The following NLRP14 variants were observed in gnomAD, a reference collection of about 807,000 sequenced individuals.
NLRP14 encodes the protein NACHT, LRR and PYD domains-containing protein 14.
Under a neutral mutation model 94.7 loss-of-function variants are expected in NLRP14, and 105 were observed. That is an observed-to-expected ratio of 1.11 (90% CI 0.95 to 1.30). The LOEUF is 1.30. NLRP14 is among the 50% of genes most tolerant of loss of function. NLRP14 has a pLI of 0.00. For synonymous variants in NLRP14, 508 were observed against 459.9 expected (o/e 1.10, Z -1.34); for missense variants, 1,362 against 1,254.1 (o/e 1.09, Z -1.30).
chr11:7,062,924 A>G (rs527452631), intron 10 of NLRP14, among the ~76,000 whole-genome samples: 6 of 152,234 alleles, frequency 3.9e-5, no homozygotes, highest in East Asian at 3.9e-4. Context: ...CTTACGTTCA[A>G]TTCTGTGTTT....
intron 4 of NLRP14, among the ~76,000 whole-genome samples, chr11:7,044,325 A>G (rs1241109723): frequency 6.6e-6 from 1 of 152,192 alleles, no homozygotes; most frequent in Admixed American, 6.5e-5. Context: ...ACAAACTTGC[A>G]TCCATGATAA....
Position 7,042,891 on chromosome 11 carries a change from A to T in NLRP14, c.865A>T (p.Met289Leu). The T allele has an allele frequency of 6.2e-7, 1 of 1,614,158 alleles. No individual in the cohort carries two copies. ...WTQEHPVSFL[M>L]SSLLRKVMLP... ...CCAAGAACACCCAGTGTCCTTCCTC[A>T]TGAGTAGTTTGCTGAGGAAAGTGAT... The change falls in exon 4 of 12, where the codon ATG (methionine) becomes TTG (leucine). Residue 289 changes from methionine (M) to leucine (L), a missense_variant. Coordinates refer to ENST00000299481, the MANE Select transcript of NLRP14 (RefSeq NM_176822.4).
downstream of NLRP14, among the ~76,000 whole-genome samples, chr11:7,073,332 C>A (rs1161884544): frequency 6.6e-6 from 1 of 152,106 alleles, no homozygotes; most frequent in African/African-American, 2.4e-5. Flanking sequence ...GAAAATAAAG[C>A]CTTTTAACTT....
chr11:7,049,688 T>C lies in NLRP14; in HGVS notation c.2141T>C (p.Phe714Ser). 1.2e-6 allele frequency: 2 copies of C among 1,612,606 alleles called. No homozygotes were observed. Among genetic ancestry groups the C allele is most frequent in the Non-Finnish European group, 1.7e-6 (2 of 1,178,672 alleles). ...TTCTGAAGGTTGAAATTTATCACTT[T>C]CCCTGATGGTTGTCAGGATATCTCT... is the stretch of plus-strand genomic sequence containing the variant. The part of the protein sequence containing the change: ...LQKLLLKFIT[F>S]PDGCQDISTS... Residue 714 changes from phenylalanine to serine, a missense_variant, in exon 6 of 12, where the codon TTC becomes TCC. Physicochemically the swap from Phe to Ser is radical, Grantham distance 155. Transcript: ENST00000299481.
At chr11:7,034,764 C>G (rs1852139683) in intron 1 of NLRP14, among the ~76,000 whole-genome samples, 2 of 152,126 alleles carry the variant, frequency 1.3e-5, no homozygotes, top group Admixed American at 1.3e-4. Flanking sequence ...TTGCTGTTTT[C>G]TCCTCCCTGG....
the NLRP14 span, chr11:7,089,218 G>T: frequency 1.2e-6 from 2 of 1,612,976 alleles, no homozygotes; most frequent in South Asian, 1.1e-5. Flanking sequence ...AAGTATGGCC[G>T]CATCGTCGAG....
At chr11:7,089,991 G>A in the NLRP14 span, 2 of 1,613,102 alleles carry the variant, frequency 1.2e-6, no homozygotes, top group Non-Finnish European at 1.7e-6. Context: ...AGAGCTGCGC[G>A]GCGCCGCCCC....
intron 1 of NLRP14, among the ~76,000 whole-genome samples, chr11:7,027,293 C>T (rs769559310): frequency 9.2e-5 from 14 of 151,926 alleles, no homozygotes; most frequent in Admixed American, 6.6e-4. Context: ...AGATGGTTGA[C>T]AATGACAGAA....
At chr11:7,088,132 C>T in the NLRP14 span, among the ~76,000 whole-genome samples, 3 of 152,148 alleles carry the variant, frequency 2.0e-5, no homozygotes, top group Admixed American at 2.0e-4. Context: ...GAACTTTGTC[C>T]AACATTTAGA....
intron 1 of NLRP14, among the ~76,000 whole-genome samples, chr11:7,025,687 G>A (rs962591098): frequency 6.6e-6 from 1 of 152,046 alleles, no homozygotes; most frequent in Non-Finnish European, 1.5e-5. Flanking sequence ...CGAGGCAAAT[G>A]AGCAAAAATG....
chr11:7,082,256 T>C, the NLRP14 span, among the ~76,000 whole-genome samples: 1 of 152,086 alleles, frequency 6.6e-6, no homozygotes, highest in Non-Finnish European at 1.5e-5. Flanking sequence ...TTTTAACTCA[T>C]TTTTTTTCCA....
chr11:7,067,400 C>T (rs1852720855), intron 10 of NLRP14, among the ~76,000 whole-genome samples: 1 of 152,116 alleles, frequency 6.6e-6, no homozygotes, highest in Non-Finnish European at 1.5e-5. Flanking sequence ...TGTAGTTCTC[C>T]TTGAAGAGGT....
rs775917808 is a variant in NLRP14, at chr11:7,042,891, A to G, written c.865A>G (p.Met289Val). ...CCAAGAACACCCAGTGTCCTTCCTC[A>G]TGAGTAGTTTGCTGAGGAAAGTGAT... ...WTQEHPVSFLMSSLLRKVMLP... is the reference protein window; with the variant it reads ...WTQEHPVSFLVSSLLRKVMLP... The change falls in exon 4 of 12, where the codon ATG becomes GTG. Residue 289 changes from methionine (M) to valine (V), a missense_variant. Physicochemically the swap from Met to Val is conservative, Grantham distance 21. Coordinates refer to ENST00000299481, the MANE Select transcript of NLRP14 (RefSeq NM_176822.4). The G allele has an allele frequency of 2.5e-6, 4 of 1,614,040 alleles. No individual in the cohort carries two copies. The Admixed American group carries it at 5.0e-5, about 20-fold the overall frequency.
chr11:7,051,154 T>G (rs964689724), intron 6 of NLRP14, among the ~76,000 whole-genome samples: 2 of 152,208 alleles, frequency 1.3e-5, no homozygotes, highest in Admixed American at 6.5e-5. Flanking sequence ...GGTCAACTAG[T>G]AGGGCTCCTT....
chr11:7,047,513 C>T (rs1455618202), intron 5 of NLRP14, among the ~76,000 whole-genome samples: 1 of 151,798 alleles, frequency 6.6e-6, no homozygotes, highest in Non-Finnish European at 1.5e-5. Flanking sequence ...ACTGTGTTGC[C>T]CAGGCTGGTC....
intron 4 of NLRP14, among the ~76,000 whole-genome samples, chr11:7,044,952 C>T (rs1852327240): frequency 1.3e-5 from 2 of 152,126 alleles, no homozygotes; most frequent in South Asian, 4.1e-4. Flanking sequence ...ATTTAGTCTT[C>T]TGATAGTCTT....
the NLRP14 span, chr11:7,089,963 G>T: frequency 6.2e-7 from 1 of 1,613,138 alleles, no homozygotes; most frequent in Non-Finnish European, 8.5e-7. Context: ...CCCATCGAGA[G>T]CCCTTTGAGA....
intron 10 of NLRP14, among the ~76,000 whole-genome samples, chr11:7,062,963 T>G (rs567485384): frequency 6.6e-6 from 1 of 152,238 alleles, no homozygotes; most frequent in East Asian, 1.9e-4. Context: ...GAACTGATAT[T>G]GGCTAGTACA....
chr11:7,050,483 C>A (rs1182215190), intron 6 of NLRP14, among the ~76,000 whole-genome samples: 4 of 151,926 alleles, frequency 2.6e-5, no homozygotes, highest in Non-Finnish European at 4.4e-5. Context: ...CAATGAAAGT[C>A]AATGAAATAG....
Sources: allele counts gnomAD v4.1 joint callset (sites outside exome capture counted in the v4.1 genomes callset), GRCh38; gene constraint gnomAD v4.1.1; transcripts MANE v1.5; gene names NCBI Gene and HGNC (gene_info 2026-07-23, HGNC 2026-07-21).